The following GNA11 variants were observed in gnomAD, a reference collection of about 807,000 sequenced individuals.
The protein encoded by GNA11 is G protein subunit alpha 11.
A neutral mutation model predicts 38.2 loss-of-function variants in GNA11; 8 were observed. That is an observed-to-expected ratio of 0.21 (90% CI 0.12 to 0.38). GNA11 has a LOEUF of 0.38. Among genes scored for constraint, GNA11 ranks in the 10% least tolerant of loss-of-function variants. The pLI is 1.00. For missense variants in GNA11, 268 were observed against 516.3 expected, an observed-to-expected ratio of 0.52 and a Z score of 4.66; for synonymous variants, 211 against 221.4, an observed-to-expected ratio of 0.95 and a Z score of 0.42.
rs940851597 is a variant in GNA11 at position 3,120,122 on chromosome 19, C to T, written c.889+763C>T. On this transcript the variant is annotated intron_variant, in intron 6 of 6. Coordinates refer to ENST00000078429, the MANE Select transcript of GNA11 (RefSeq NM_002067.5). This position sits in a 1 kb window ranked among gnomAD's most constrained non-coding sequence, Gnocchi z 5.9. ...TTCCACCCCGGATCTGTGCTCCTCC[C>T]GTGAGTCTCGGGTGTCATCTTCGGG... Among the ~76,000 whole-genome samples, 4 of 152,046 alleles carry T rather than the reference C, an allele frequency of 2.6e-5. No homozygotes were observed. The highest frequency in any genetic ancestry group is 5.9e-5 in the Non-Finnish European group (4 of 67,982).
At chr19:3,097,816 C>T (rs953204948) in intron 1 of GNA11, among the ~76,000 whole-genome samples, 3 of 152,194 alleles carry the variant, frequency 2.0e-5, no homozygotes, top group African/African-American at 4.8e-5. Flanking sequence ...CACATTGGTC[C>T]GGGTTGGTCT....
rs116438922 is a variant in GNA11 at position 3,120,267 on chromosome 19, G to T, written c.890-722G>T. On this transcript the variant is annotated intron_variant, in intron 6 of 6. Transcript: ENST00000078429. This position sits in a 1 kb window ranked among gnomAD's most constrained non-coding sequence, Gnocchi z 5.9. ...CCTGCTGTCCCTGGGCAGGGGAGTG[G>T]CGGGGGGCGCTGCACCTGCTCCAGC... Among the ~76,000 whole-genome samples, 209 of 151,872 alleles carry T rather than the reference G, an allele frequency of 1.4e-3. No individual in the cohort carries two copies. The highest frequency in any genetic ancestry group is 4.9e-3 in the African/African-American group (202 of 41,450).
At position 3,120,951 on chromosome 19, in the gene GNA11, C is replaced by T. The variant is rs777708537; in HGVS notation, c.890-38C>T. On this transcript the variant is annotated intron_variant, in intron 6 of 6. Transcript: ENST00000078429. The surrounding 1 kb of genome is among the most constrained non-coding windows in gnomAD (Gnocchi z 5.9). ...GGCCCACGAGTCCCTTGCCCTGGGC[C>T]GGGCTGGGGCACAGCCTCACCCTCT... The T allele has an allele frequency of 1.0e-5, 16 of 1,536,602 alleles. No individual in the cohort carries two copies. The Admixed American group carries it at 1.7e-4, about 16-fold the overall frequency.
rs308046 is a variant in GNA11 at position 3,119,186 on chromosome 19, T to G, written c.736-20T>G. Reference sequence around the variant, plus strand: ...AGTGGGGAGGGCCCCTCTGATTCCCTCTGCCTTCGCTCCCGCCAGAACCGG... The same window carrying G: ...AGTGGGGAGGGCCCCTCTGATTCCCGCTGCCTTCGCTCCCGCCAGAACCGG... On this transcript the variant is annotated intron_variant, in intron 5 of 6. Coordinates refer to ENST00000078429, the MANE Select transcript of GNA11 (RefSeq NM_002067.5). The surrounding 1 kb of genome is among the most constrained non-coding windows in gnomAD (Gnocchi z 4.6). 0.85 allele frequency: 1,368,565 copies of G among 1,611,764 alleles called. 582,700 individuals are homozygous for G. The highest frequency in any genetic ancestry group is 0.9 in the Admixed American group (53,916 of 59,972).
At position 3,119,720 on chromosome 19, in the gene GNA11, G is replaced by A. The variant is rs1177449614; in HGVS notation, c.889+361G>A. 6.6e-6 allele frequency among the ~76,000 whole-genome samples: 1 copy of A among 151,710 alleles called. No homozygotes were observed. The highest frequency in any genetic ancestry group is 2.4e-5 in the African/African-American group (1 of 41,230). ...AGTCTTGTATTGGTGGGTCTTGTAC[G>A]GGAGGGAGTTGTCGTATGGGGGTGT... On this transcript the variant is annotated intron_variant, in intron 6 of 6. Transcript: ENST00000078429. This position sits in a 1 kb window ranked among gnomAD's most constrained non-coding sequence, Gnocchi z 4.6.
intron 1 of GNA11, among the ~76,000 whole-genome samples, chr19:3,105,896 A>G (rs1256032136): frequency 6.6e-6 from 1 of 152,042 alleles, no homozygotes; most frequent in Non-Finnish European, 1.5e-5. Flanking sequence ...GGTGCCCTGC[A>G]GTGGCCTGAG....
rs947597937 is a variant in GNA11 at position 3,122,052 on chromosome 19, C to T, written c.*873C>T. On this transcript the variant is annotated 3_prime_UTR_variant, in exon 7 of 7. Transcript: ENST00000078429. This position sits in a 1 kb window ranked among gnomAD's most constrained non-coding sequence, Gnocchi z 7.7. ...GGGACTCCAGAGGGCTGCACGGCCA[C>T]CCTGCCCTGGCTAGAGCGCACCCCA... The T allele has an allele frequency of 9.9e-5, 23 of 233,218 alleles. No individual in the cohort carries two copies. Among genetic ancestry groups the T allele is most frequent in the African/African-American group, 4.6e-4 (21 of 45,312 alleles). The allele number at this position is 233,218 out of a possible 1,614,324, so 14.4% of individuals were successfully genotyped here.
intron 1 of GNA11, among the ~76,000 whole-genome samples, chr19:3,103,519 C>CGTTTTTTTTTTTTTTTTTTTTTTTT (rs1370578226): frequency 6.6e-5 from 3 of 45,800 alleles, no homozygotes; most frequent in Admixed American, 3.5e-4. Flanking sequence ...GGCCTTGAAT[C>CGTTTTTTTTTTTTTTTTTTTTTTTT]TTTTTTTTTT....
intron 1 of GNA11, among the ~76,000 whole-genome samples, chr19:3,103,877 C>G (rs865912566): frequency 9.2e-5 from 14 of 152,070 alleles, no homozygotes; most frequent in Admixed American, 2.0e-4. Flanking sequence ...AGTGGAGACG[C>G]GGTTTCACCG....
At position 3,104,464 on chromosome 19, in the gene GNA11, C is replaced by G. The variant is rs111777201; in HGVS notation, c.137-5685C>G. On this transcript the variant is annotated intron_variant, in intron 1 of 6. Coordinates refer to ENST00000078429, the MANE Select transcript of GNA11 (RefSeq NM_002067.5). ...TGTGGCAGGCCCACCAGGAACCATG[C>G]TTGCACAGGCAAAGCACCTTGCTTG... Among the ~76,000 whole-genome samples the G allele has an allele frequency of 3.4e-3, 523 of 152,340 alleles. 1 individual carries two copies. The highest frequency in any genetic ancestry group is 0.012 in the African/African-American group (497 of 41,570).
At chr19:3,101,589 C>T (rs1486016564) in intron 1 of GNA11, among the ~76,000 whole-genome samples, 1 of 152,208 alleles carries the variant, frequency 6.6e-6, no homozygotes, top group Non-Finnish European at 1.5e-5. Flanking sequence ...GCCCTTCCCC[C>T]ATCAGTGATC....
rs1270999647 is a variant in GNA11 at position 3,110,013 on chromosome 19, T to C, written c.137-136T>C. 1 of 645,160 alleles carries C rather than the reference T, an allele frequency of 1.5e-6. No homozygotes were observed. The highest frequency in any genetic ancestry group is 1.8e-5 in the African/African-American group (1 of 54,808). 40.0% of individuals were successfully genotyped at this position (645,160 alleles called of 1,614,324 possible). On this transcript the variant is annotated intron_variant, in intron 1 of 6. Transcript: ENST00000078429. The surrounding 1 kb of genome is among the most constrained non-coding windows in gnomAD (Gnocchi z 5.4). ...GGAGTCAGGAGGCCGTGGCGTCTGG[T>C]GGAGAGACGGTCAGCCTCACGTGCC...
At chr19:3,102,402 G>A (rs1180628834) in intron 1 of GNA11, among the ~76,000 whole-genome samples, 1 of 152,208 alleles carries the variant, frequency 6.6e-6, no homozygotes, top group Non-Finnish European at 1.5e-5. Flanking sequence ...AGTGAGTTTC[G>A]GGGCAGCTCT....
rs79702171 is a variant in GNA11 at position 3,115,550 on chromosome 19, C to A, written c.605+478C>A. 216 of 156,964 alleles carry A rather than the reference C, an allele frequency of 1.4e-3. 2 individuals carry two copies. The East Asian group carries it at 0.035, about 25-fold the overall frequency. The allele number at this position is 156,964 out of a possible 1,614,324, so 9.7% of individuals were successfully genotyped here. A position where few individuals can be genotyped will look rare whatever the true frequency, so the allele number is the denominator to read the frequency against. ...GGGGTGTGGGGGGCGTGGCCACATC[C>A]ATCCAGACCGGCAGCCGAAGAGACC... On this transcript the variant is annotated intron_variant, in intron 4 of 6. Transcript: ENST00000078429.
chr19:3,104,693 A>G (rs905221217), intron 1 of GNA11, among the ~76,000 whole-genome samples: 2 of 152,248 alleles, frequency 1.3e-5, no homozygotes, highest in Middle Eastern at 6.8e-3. Flanking sequence ...CCTTCTGCAT[A>G]GGGGCTAGGG....
In GNA11 at chr19:3,094,819, GGCCCT is replaced by G; in HGVS notation, c.136+41_136+45del. On this transcript the variant is annotated intron_variant, in intron 1 of 6. Transcript: ENST00000078429. The surrounding 1 kb of genome is among the most constrained non-coding windows in gnomAD (Gnocchi z 6.0). ...GCGGCCCCCGGGCCTGCCGGCTGCG[GGCCCT>G]GCCCTGCCTGTGCCTGCCCTGCCTG... The G allele has an allele frequency of 1.3e-6, 2 of 1,498,378 alleles. No homozygotes were observed. The highest frequency in any genetic ancestry group is 1.5e-5 in the African/African-American group (1 of 68,640). 92.8% of individuals were successfully genotyped at this position (1,498,378 alleles called of 1,614,324 possible).
Position 3,119,960 on chromosome 19 carries a change from T to G in GNA11, c.889+601T>G, listed in dbSNP as rs1181841601. 6.6e-6 allele frequency among the ~76,000 whole-genome samples: 1 copy of G among 151,706 alleles called. No homozygotes were observed. Among genetic ancestry groups the G allele is most frequent in the African/African-American group, 2.4e-5 (1 of 41,242 alleles). ...GGGTCTTCACATGCCCAGCCCTCTCTGGGCCTGGGGATGGCGGCCAGGGGA... is the reference window on the plus strand; with the variant it reads ...GGGTCTTCACATGCCCAGCCCTCTCGGGGCCTGGGGATGGCGGCCAGGGGA... On this transcript the variant is annotated intron_variant, in intron 6 of 6. Transcript: ENST00000078429. The surrounding 1 kb of genome is among the most constrained non-coding windows in gnomAD (Gnocchi z 4.6).
intron 1 of GNA11, among the ~76,000 whole-genome samples, chr19:3,106,154 G>C (rs1327488295): frequency 6.6e-6 from 1 of 152,178 alleles, no homozygotes; most frequent in Non-Finnish European, 1.5e-5. Flanking sequence ...CTGTGGCTTT[G>C]GGGCCACATG....
Sources: allele counts gnomAD v4.1 joint callset (sites outside exome capture counted in the v4.1 genomes callset), GRCh38; gene constraint gnomAD v4.1.1; non-coding constraint Gnocchi (gnomAD v3.1); transcripts MANE v1.5; gene names NCBI Gene and HGNC (gene_info 2026-07-23, HGNC 2026-07-21).